Variants in RB1 observed in about 807,000 individuals in gnomAD.
RB1 encodes the protein RB transcriptional corepressor 1.
In RB1, 18 loss-of-function variants were observed where a neutral mutation model predicts 135.4. The observed-to-expected ratio is 0.13, with a 90% CI of 0.09 to 0.20. RB1 has a LOEUF of 0.20. Ranked by LOEUF, RB1 falls within the 10% of genes least tolerant of loss-of-function variation. The pLI is 1.00. For synonymous variants in RB1, 365 were observed against 373.2 expected (o/e 0.98, Z 0.25); for missense variants, 868 against 1,110.0 (o/e 0.78, Z 3.10).
At chr13:48,353,163 G>GT (rs1253473343) in intron 6 of RB1, among the ~76,000 whole-genome samples, 2 of 151,986 alleles carry the variant, frequency 1.3e-5, no homozygotes, top group South Asian at 2.1e-4. Flanking sequence ...GAAACAAAGT[G>GT]TTTTTTTAAA....
At chr13:48,419,210 T>G (rs1230031580) in intron 17 of RB1, among the ~76,000 whole-genome samples, 1 of 152,056 alleles carries the variant, frequency 6.6e-6, no homozygotes, top group African/African-American at 2.4e-5. Context: ...TGCAATCAAA[T>G]TAGAACTCAG....
At chr13:48,366,068 A>ATCAG (rs1052906348) in intron 9 of RB1, among the ~76,000 whole-genome samples, 7 of 152,298 alleles carry the variant, frequency 4.6e-5, no homozygotes, top group South Asian at 2.1e-4. Flanking sequence ...GTATGGTCTG[A>ATCAG]TCAGTGAACT....
In RB1 at chr13:48,399,306, C is replaced by T. The variant is rs1348156464; in HGVS notation, c.1695+17863C>T. Among the ~76,000 whole-genome samples, 11 of 151,242 alleles carry T rather than the reference C, an allele frequency of 7.3e-5. 1 individual carries two copies. Among genetic ancestry groups the T allele is most frequent in the Admixed American group, 5.3e-4 (8 of 15,172 alleles). ...CTTCTATACGAATGCAAAAATGTAA[C>T]GACAAAGAAGGGAAAATAAAAGAAG... On this transcript the variant is annotated intron_variant, in intron 17 of 26. Transcript: ENST00000267163.
chr13:48,415,510 C>T (rs899220067), intron 17 of RB1, among the ~76,000 whole-genome samples: 3 of 152,082 alleles, frequency 2.0e-5, no homozygotes, highest in African/African-American at 7.2e-5. Context: ...AACTCCTGAC[C>T]TCAAGTCATC....
chr13:48,379,753 G>A (rs1338020734), intron 14 of RB1, 103 bp downstream of exon 14: 2 of 1,408,470 alleles, frequency 1.4e-6, no homozygotes, highest in South Asian at 1.3e-5. Context: ...GGAGGTCAAG[G>A]CATCAAGATC....
chr13:48,406,356 A>T (rs1171641398), intron 17 of RB1, among the ~76,000 whole-genome samples: 1 of 152,170 alleles, frequency 6.6e-6, no homozygotes, highest in Non-Finnish European at 1.5e-5. Context: ...TATTCTTCTC[A>T]TCTATTATCA....
chr13:48,409,299 T>A (rs1470506587), intron 17 of RB1, among the ~76,000 whole-genome samples: 1 of 151,780 alleles, frequency 6.6e-6, no homozygotes, highest in Non-Finnish European at 1.5e-5. Flanking sequence ...AAACCATGGA[T>A]CCCTAAAGAA....
At position 48,386,364 on chromosome 13, in the gene RB1, A is replaced by ATT. The variant is rs61603411; in HGVS notation, c.1695+4930_1695+4931dup. Among the ~76,000 whole-genome samples the ATT allele has an allele frequency of 6.0e-3, 890 of 149,310 alleles. 4 individuals are homozygous for ATT. Among genetic ancestry groups the ATT allele is most frequent in the Middle Eastern group, 0.021 (6 of 290 alleles). On this transcript the variant is annotated intron_variant, in intron 17 of 26. Coordinates refer to ENST00000267163, the MANE Select transcript of RB1 (RefSeq NM_000321.3). ...CTTCTAGACTACAGACCTGTATGGTATTTTTTTTTTAATCTCCACTCTTGA... is the reference window on the plus strand; with the variant it reads ...CTTCTAGACTACAGACCTGTATGGTATTTTTTTTTTTTAATCTCCACTCTTGA...
At chr13:48,423,492 G>C (rs530863768) in intron 17 of RB1, among the ~76,000 whole-genome samples, 2 of 152,212 alleles carry the variant, frequency 1.3e-5, no homozygotes, top group East Asian at 1.9e-4. Flanking sequence ...TCTGTAAAAG[G>C]CTTCCCTTTA....
chr13:48,455,606 T>G (rs565546484), intron 18 of RB1, among the ~76,000 whole-genome samples: 1 of 152,184 alleles, frequency 6.6e-6, no homozygotes, highest in Non-Finnish European at 1.5e-5. Flanking sequence ...CAAAAGAAAA[T>G]CAGAAAGTAG....
chr13:48,349,243 T>G (rs1022375477), intron 6 of RB1, among the ~76,000 whole-genome samples: 1 of 151,824 alleles, frequency 6.6e-6, no homozygotes, highest in Admixed American at 6.6e-5. Context: ...CTTCCCTCCC[T>G]TTCTTTTTTT....
At chr13:48,433,953 G>T (rs1191233625) in intron 17 of RB1, among the ~76,000 whole-genome samples, 1 of 151,444 alleles carries the variant, frequency 6.6e-6, no homozygotes, top group East Asian at 1.9e-4. Context: ...TGAACTCCTG[G>T]ACTCAAGTTA....
rs562956970 is a variant in RB1 at position 48,459,697 on chromosome 13, T to A, written c.1970T>A (p.Leu657Gln). 1 of 1,614,108 alleles carries A rather than the reference T, an allele frequency of 6.2e-7. No homozygotes were observed. Among genetic ancestry groups the A allele is most frequent in the African/African-American group, 1.3e-5 (1 of 75,006 alleles). ...LSLFYKKVYR[L>Q]AYLRLNTLCE... is the part of the protein sequence containing the mutation. ...TTTCTTATTCCCACAGTGTATCGGCTAGCCTATCTCCGGCTAAATACACTT... is the reference window on the plus strand; with the variant it reads ...TTTCTTATTCCCACAGTGTATCGGCAAGCCTATCTCCGGCTAAATACACTT... Residue 657 changes from leucine to glutamine, a missense_variant, in exon 20 of 27, where the codon CTA becomes CAA. Around this residue, in one of 3 missense-constraint regions of RB1, gnomAD observed 641 missense variants for 791.3 expected, o/e 0.81. Transcript: ENST00000267163.
intron 17 of RB1, chr13:48,412,127 G>T: frequency 6.2e-7 from 1 of 1,613,746 alleles, no homozygotes; most frequent in Non-Finnish European, 8.5e-7. Context: ...TTCCGTACAT[G>T]TTGGTATAAA....
chr13:48,389,240 T>C (rs946284433), intron 17 of RB1, among the ~76,000 whole-genome samples: 3 of 151,854 alleles, frequency 2.0e-5, no homozygotes, highest in African/African-American at 7.2e-5. Flanking sequence ...AAAGTCTGAG[T>C]GAGTGCTTGC....
At chr13:48,459,624 GA>G in intron 19 of RB1, 63 bp from the exon 20 acceptor site, 5 of 1,563,488 alleles carry the variant, frequency 3.2e-6, no homozygotes, top group Non-Finnish European at 4.4e-6. Context: ...TTCATGATTT[GA>G]AAAAAATCTA....
intron 2 of RB1, among the ~76,000 whole-genome samples, chr13:48,325,459 C>G (rs1201456289): frequency 6.6e-6 from 1 of 152,158 alleles, no homozygotes; most frequent in Admixed American, 6.5e-5. Context: ...AACAAGTCAT[C>G]ATCAGTAATT....
chr13:48,371,933 A>G (rs1952762703), intron 11 of RB1, among the ~76,000 whole-genome samples: 1 of 152,200 alleles, frequency 6.6e-6, no homozygotes, highest in African/African-American at 2.4e-5. Context: ...TTAGATTCTC[A>G]TAGGTGCATG....
At chr13:48,411,471 T>C in intron 17 of RB1, 1 of 1,612,896 alleles carries the variant, frequency 6.2e-7, no homozygotes, top group Non-Finnish European at 8.5e-7. Context: ...ACCATGAACT[T>C]CAGAGAATCT....
Sources: gnomAD v4.1 joint callset for allele counts (sites outside exome capture counted in the v4.1 genomes callset) on GRCh38, gnomAD v4.1.1 for gene constraint, gnomAD v4.1.1 regional missense constraint, MANE v1.5 for transcripts, NCBI Gene and HGNC (gene_info 2026-07-23, HGNC 2026-07-21) for gene names.